The following NDST3 variants were observed in gnomAD, a reference collection of about 807,000 sequenced individuals.
NDST3 encodes bifunctional heparan sulfate N-deacetylase/N-sulfotransferase 3.
A neutral mutation model predicts 96.1 loss-of-function variants in NDST3; 58 were observed. The ratio of observed to expected loss-of-function variants is 0.60; its 90% CI spans 0.49 to 0.75. The LOEUF (loss-of-function observed/expected upper bound fraction) is 0.75. Among genes scored for constraint, NDST3 ranks in the 30% least tolerant of loss-of-function variants. The pLI, the probability that NDST3 is intolerant of heterozygous loss-of-function variation, is 0.00. For missense variants in NDST3, 788 were observed against 1,034.2 expected (o/e 0.76, Z 3.27); for synonymous variants, 333 against 359.7 (o/e 0.93, Z 0.84).
At chr4:118,073,994 C>G (rs1243849794) in intron 2 of NDST3, among the ~76,000 whole-genome samples, 1 of 152,134 alleles carries the variant, frequency 6.6e-6, no homozygotes, top group Non-Finnish European at 1.5e-5. Context: ...TCATTATTTT[C>G]AAATAGTTTC....
intron 6 of NDST3, among the ~76,000 whole-genome samples, chr4:118,148,594 G>C: frequency 6.6e-6 from 1 of 151,728 alleles, no homozygotes; most frequent in Non-Finnish European, 1.5e-5. Flanking sequence ...CTTAAACTAG[G>C]ATTAACACAT....
chr4:118,249,457 G>T (rs1356006535), intron 12 of NDST3, among the ~76,000 whole-genome samples: 1 of 152,098 alleles, frequency 6.6e-6, no homozygotes, highest in Non-Finnish European at 1.5e-5. Flanking sequence ...CTTTATTAAT[G>T]ATCTCTTTGT....
In NDST3 at chr4:118,120,533, G is replaced by GA. The variant is rs1362596587; in HGVS notation, c.1224+5574dup. On this transcript the variant is annotated intron_variant, in intron 4 of 13. Coordinates refer to ENST00000296499, the MANE Select transcript of NDST3 (RefSeq NM_004784.3). ...ATAGTTGCTCAACATATGAGAGTCT[G>GA]ATAAAGGAAGCAGAGGAGGGTAGGA... Among the ~76,000 whole-genome samples, 4 of 152,158 alleles carry GA rather than the reference G, an allele frequency of 2.6e-5. No homozygotes were observed. The East Asian group carries it at 5.8e-4, about 22-fold the overall frequency.
chr4:118,119,322 G>A (rs1731360091), intron 4 of NDST3, among the ~76,000 whole-genome samples: 1 of 152,090 alleles, frequency 6.6e-6, no homozygotes, highest in Non-Finnish European at 1.5e-5. Flanking sequence ...AGACTTGCTG[G>A]CTTAAGGAAT....
chr4:118,157,309 T>C (rs1734775374), intron 6 of NDST3, among the ~76,000 whole-genome samples: 2 of 151,508 alleles, frequency 1.3e-5, no homozygotes, highest in Admixed American at 1.3e-4. Flanking sequence ...AAAATTTAAA[T>C]TATTAATAAA....
chr4:118,135,917 G>T (rs1195096556), intron 4 of NDST3, among the ~76,000 whole-genome samples: 1 of 152,046 alleles, frequency 6.6e-6, no homozygotes, highest in Non-Finnish European at 1.5e-5. Flanking sequence ...GTAGTTTTTA[G>T]TGTTAAAGCT....
intron 2 of NDST3, among the ~76,000 whole-genome samples, chr4:118,070,166 T>G (rs1037242120): frequency 1.3e-5 from 2 of 152,268 alleles, no homozygotes; most frequent in African/African-American, 4.8e-5. Flanking sequence ...TTTCTTTTCC[T>G]GGGATTAGAC....
At chr4:118,157,588 A>G (rs2125921716) in intron 6 of NDST3, among the ~76,000 whole-genome samples, 1 of 151,998 alleles carries the variant, frequency 6.6e-6, no homozygotes, top group African/African-American at 2.4e-5. Context: ...ATGCCCGGCT[A>G]ATTTTTTGTA....
intron 2 of NDST3, among the ~76,000 whole-genome samples, chr4:118,076,952 TG>T (rs1727596844): frequency 6.6e-6 from 1 of 152,172 alleles, no homozygotes; most frequent in Admixed American, 6.5e-5. Flanking sequence ...ATGTTGCTGA[TG>T]GGGTTTTTGC....
intron 3 of NDST3, among the ~76,000 whole-genome samples, chr4:118,112,405 T>G (rs1730711325): frequency 6.6e-6 from 1 of 152,162 alleles, no homozygotes; most frequent in African/African-American, 2.4e-5. Context: ...AGGAGACTTC[T>G]CATAAACTAG....
chr4:118,092,910 T>A (rs35754081), intron 2 of NDST3, among the ~76,000 whole-genome samples: 21,166 of 151,816 alleles, frequency 0.14, 1,846 homozygotes, highest in South Asian at 0.23. Flanking sequence ...AGAAGTGTTG[T>A]TACATTTATA....
chr4:118,127,057 T>C (rs1732165019), intron 4 of NDST3, among the ~76,000 whole-genome samples: 1 of 151,898 alleles, frequency 6.6e-6, no homozygotes, highest in African/African-American at 2.4e-5. Context: ...TTTTTTACTA[T>C]AGAGTTGTTT....
chr4:118,114,767 G>A, intron 3 of NDST3, 39 bp from the exon 4 acceptor site: 2 of 1,579,534 alleles, frequency 1.3e-6, no homozygotes, highest in Non-Finnish European at 1.7e-6. Flanking sequence ...ATAGATCAGT[G>A]TAACTGGAAT....
At chr4:118,242,220 T>A in intron 12 of NDST3, 71 bp downstream of exon 12, 2 of 1,022,288 alleles carry the variant, frequency 2.0e-6, no homozygotes, top group Admixed American at 2.0e-5. Context: ...TGCAGTTTGG[T>A]CATACAACTG....
At chr4:118,115,648 T>C (rs1334586797) in intron 4 of NDST3, among the ~76,000 whole-genome samples, 3 of 152,286 alleles carry the variant, frequency 2.0e-5, no homozygotes, top group South Asian at 4.1e-4. Flanking sequence ...CAGGGAAATT[T>C]ATAGTAAAAG....
chr4:118,188,466 C>T (rs1737108794), intron 6 of NDST3, among the ~76,000 whole-genome samples: 1 of 151,906 alleles, frequency 6.6e-6, no homozygotes, highest in Non-Finnish European at 1.5e-5. Context: ...TAACATTGGA[C>T]TTATGTCCTC....
intron 6 of NDST3, among the ~76,000 whole-genome samples, chr4:118,201,236 C>T (rs1738065806): frequency 6.6e-6 from 1 of 152,156 alleles, no homozygotes. Flanking sequence ...AATAGTGCAA[C>T]AATGAACAGA....
intron 2 of NDST3, among the ~76,000 whole-genome samples, chr4:118,058,504 T>C (rs894407650): frequency 2.7e-5 from 4 of 150,932 alleles, no homozygotes; most frequent in East Asian, 3.9e-4. Context: ...AGCCATAGCC[T>C]GTAAAGAACC....
chr4:118,073,972 G>A (rs370434964), intron 2 of NDST3, among the ~76,000 whole-genome samples: 1 of 152,102 alleles, frequency 6.6e-6, no homozygotes, highest in Non-Finnish European at 1.5e-5. Context: ...CTGGTAGGTT[G>A]TATCTTTGTT....
Sources: allele counts gnomAD v4.1 joint callset (sites outside exome capture counted in the v4.1 genomes callset), GRCh38; gene constraint gnomAD v4.1.1; transcripts MANE v1.5; gene names NCBI Gene and HGNC (gene_info 2026-07-23, HGNC 2026-07-21).